BEST3: variants seen among roughly 807,000 people sequenced by gnomAD.
BEST3 encodes the protein bestrophin-3.
Under a neutral mutation model 47.1 loss-of-function variants are expected in BEST3, and 50 were observed. That is an observed-to-expected ratio of 1.06 (90% CI 0.85 to 1.34). The LOEUF (loss-of-function observed/expected upper bound fraction) is 1.34, where lower values mean the gene tolerates loss of function less well. Among genes scored for constraint, BEST3 ranks in the 40% most tolerant of loss-of-function variants. The probability of loss-of-function intolerance (pLI) is 0.00; values close to 1 mark genes in which losing one functional copy is unlikely to be tolerated. For synonymous variants in BEST3, 282 were observed against 298.8 expected, an observed-to-expected ratio of 0.94 and a Z score of 0.58; for missense variants, 765 against 817.0, an observed-to-expected ratio of 0.94 and a Z score of 0.78.
In BEST3 at chr12:69,693,789, G is replaced by T. The variant is rs781599717; in HGVS notation, c.366C>A (p.Arg122=). The T allele has an allele frequency of 6.2e-7, 1 of 1,614,060 alleles. No homozygotes were observed. The highest frequency in any genetic ancestry group is 1.3e-5 in the African/African-American group (1 of 74,928). Residue 122 remains arginine, a synonymous_variant, in exon 4 of 10, where the codon CGC becomes CGA. Coordinates refer to ENST00000330891, the MANE Select transcript of BEST3 (RefSeq NM_032735.3). Reference sequence around the variant, plus strand: ...AGCGCATCAGCGTCCTTCTAAGCAGGCGCCCGTGCTCGTCGCTTCCGTGAA... The same window carrying T: ...AGCGCATCAGCGTCCTTCTAAGCAGTCGCCCGTGCTCGTCGCTTCCGTGAA... ...SSVHGSDEHG[R]LLRRTLMRYV...
At chr12:69,670,189 C>G in intron 9 of BEST3, 1 of 384,472 alleles carries the variant, frequency 2.6e-6, no homozygotes, top group Non-Finnish European at 4.8e-6. Flanking sequence ...CAGAAGGTAT[C>G]ATGAAGGCTG....
At chr12:69,681,338 C>T (rs187190198) in intron 4 of BEST3, among the ~76,000 whole-genome samples, 18 of 152,186 alleles carry the variant, frequency 1.2e-4, no homozygotes, top group South Asian at 8.3e-4. Flanking sequence ...ATCCTTTTGC[C>T]GGGTGCAGTG....
intron 3 of BEST3, 162 bp from the exon 4 acceptor site, chr12:69,694,069 G>C: frequency 6.5e-6 from 4 of 617,894 alleles, no homozygotes; most frequent in Non-Finnish European, 1.1e-5. Context: ...TGTCATTTGT[G>C]CCTGGCAATG....
chr12:69,688,323 C>G (rs1885752676), intron 4 of BEST3, among the ~76,000 whole-genome samples: 2 of 152,186 alleles, frequency 1.3e-5, no homozygotes, highest in South Asian at 4.1e-4. Context: ...GCAAAAGTAA[C>G]AGAGACTGTT....
downstream of BEST3, among the ~76,000 whole-genome samples, chr12:69,652,180 G>A (rs933449387): frequency 2.0e-5 from 3 of 152,180 alleles, no homozygotes; most frequent in Non-Finnish European, 4.4e-5. Context: ...GGGAGAGAAC[G>A]CAACAAATAG....
chr12:69,674,593 T>C (rs949679985), intron 7 of BEST3, among the ~76,000 whole-genome samples: 2 of 152,142 alleles, frequency 1.3e-5, no homozygotes, highest in African/African-American at 4.8e-5. Flanking sequence ...AGGGTACTGG[T>C]TGAGTCCTGA....
intron 4 of BEST3, among the ~76,000 whole-genome samples, chr12:69,682,386 T>C (rs2547028): frequency 0.72 from 109,074 of 151,420 alleles, 39,301 homozygotes; most frequent in South Asian, 0.81. Context: ...AGATAACACT[T>C]GGGTTATTTA....
At chr12:69,671,253 C>T (rs1313289474) in intron 9 of BEST3, among the ~76,000 whole-genome samples, 175 bp downstream of exon 9, 2 of 152,180 alleles carry the variant, frequency 1.3e-5, no homozygotes, top group Non-Finnish European at 2.9e-5. Context: ...CAGCCTTGAA[C>T]CCCTGGGCTC....
intron 4 of BEST3, chr12:69,689,258 T>C: frequency 1.0e-6 from 1 of 985,690 alleles, no homozygotes. Flanking sequence ...ATGTGCAGAC[T>C]CTGAGTCAGC....
At position 69,672,890 on chromosome 12, in the gene BEST3, A is replaced by C. The variant is rs1884667333; in HGVS notation, c.943T>G (p.Leu315Val). 6.2e-7 allele frequency: 1 copy of C among 1,609,226 alleles called. No individual in the cohort carries two copies. Among genetic ancestry groups the C allele is most frequent in the Non-Finnish European group, 8.5e-7 (1 of 1,178,068 alleles). Reference sequence around the variant, plus strand: ...GAAAGAAAAATTCCTCTAACCTGCAAATTTCTGTCAATGCACCAGTTAGTT... The same window carrying C: ...GAAAGAAAAATTCCTCTAACCTGCACATTTCTGTCAATGCACCAGTTAGTT... ...FETNWCIDRN[L>V]QVSLLAVDEM... is the part of the protein sequence containing the mutation. The change falls in exon 8 of 10, where the codon TTG becomes GTG. Residue 315 changes from leucine to valine, a missense_variant. Transcript: ENST00000330891.
At chr12:69,675,316 T>G (rs1884845998) in intron 7 of BEST3, among the ~76,000 whole-genome samples, 2 of 151,732 alleles carry the variant, frequency 1.3e-5, no homozygotes, top group Admixed American at 1.3e-4. Context: ...GAGATGGGGT[T>G]TCGCCATATT....
At chr12:69,656,882 ACATT>A (rs1488266000) in intron 9 of BEST3, among the ~76,000 whole-genome samples, 1 of 152,110 alleles carries the variant, frequency 6.6e-6, no homozygotes, top group Non-Finnish European at 1.5e-5. Flanking sequence ...TAATTTGTAA[ACATT>A]CCTGATAAGG....
rs1391716126 is a variant in BEST3, at chr12:69,658,113, A to G, written c.1101-2300T>C. On this transcript the variant is annotated intron_variant, in intron 9 of 9. Coordinates refer to ENST00000330891, the MANE Select transcript of BEST3 (RefSeq NM_032735.3). ...CCACTCTGGATGTGTTCTGGGAATC[A>G]AGGACAAGCTGGCAATCTCTCTATA... Among the ~76,000 whole-genome samples, 3 of 152,170 alleles carry G rather than the reference A, an allele frequency of 2.0e-5. No homozygotes were observed. The East Asian group carries it at 5.8e-4, about 29-fold the overall frequency.
Position 69,671,482 on chromosome 12 carries a change from A to C in BEST3, c.1046T>G (p.Leu349Trp), listed in dbSNP as rs753386089. The C allele has an allele frequency of 2.5e-6, 4 of 1,614,098 alleles. No individual in the cohort carries two copies. Among genetic ancestry groups the C allele is most frequent in the Admixed American group, 1.7e-5 (1 of 60,022 alleles). The change falls in exon 9 of 10, where the codon TTG (leucine) becomes TGG (tryptophan). Residue 349 changes from leucine (L) to tryptophan (W), a missense_variant. Physicochemically the swap from Leu to Trp is moderately conservative, Grantham distance 61 (BLOSUM62 -2). Transcript: ENST00000330891. The stretch of plus-strand genomic sequence containing the variant: ...GGGTATGCAGTAGTCAGCAGCTGCC[A>C]ATGTGTATGGTGGGCGAGCAGCAGA... ...DDSAARPPYT[L>W]AAADYCIPSF...
rs1238206356 is a variant in BEST3 at position 69,654,989 on chromosome 12, A to G, written c.1925T>C (p.Met642Thr). 1.2e-6 allele frequency: 2 copies of G among 1,613,992 alleles called. No homozygotes were observed. Among genetic ancestry groups the G allele is most frequent in the Admixed American group, 1.7e-5 (1 of 59,996 alleles). Reference protein sequence around the residue: ...IVAGSRVSSDMLYLMENLDTK... With the variant: ...IVAGSRVSSDTLYLMENLDTK... ...GTCCAGGTTTTCCATTAAATACAGC[A>G]TATCAGAAGAGACTCGAGAGCCAGC... Residue 642 changes from methionine to threonine, a missense_variant, in exon 10 of 10, where the codon ATG (methionine) becomes ACG (threonine). Coordinates refer to ENST00000330891, the MANE Select transcript of BEST3 (RefSeq NM_032735.3).
downstream of BEST3, among the ~76,000 whole-genome samples, chr12:69,650,999 C>T (rs1883191302): frequency 6.6e-6 from 1 of 152,200 alleles, no homozygotes; most frequent in African/African-American, 2.4e-5. Context: ...TAAGCCCCAG[C>T]TTCTCCGGAG....
At chr12:69,666,549 A>G (rs1307096015) in intron 9 of BEST3, among the ~76,000 whole-genome samples, 9 of 152,120 alleles carry the variant, frequency 5.9e-5, no homozygotes, top group Non-Finnish European at 7.4e-5. Flanking sequence ...GTTACTCTGC[A>G]TCTATATTGA....
At chr12:69,678,153 C>T (rs962523886) in intron 5 of BEST3, among the ~76,000 whole-genome samples, 7 of 152,002 alleles carry the variant, frequency 4.6e-5, no homozygotes, top group African/African-American at 1.7e-4. Flanking sequence ...TCAATTTGGG[C>T]GCTATTTTTA....
chr12:69,673,491 G>A (rs1030246350), intron 7 of BEST3, among the ~76,000 whole-genome samples: 2 of 152,164 alleles, frequency 1.3e-5, no homozygotes, highest in South Asian at 2.1e-4. Context: ...AGGCTGGAGT[G>A]CAGTGGCATA....
Sources: allele counts gnomAD v4.1 joint callset (sites outside exome capture counted in the v4.1 genomes callset), GRCh38; gene constraint gnomAD v4.1.1; transcripts MANE v1.5; gene names NCBI Gene and HGNC (gene_info 2026-07-23, HGNC 2026-07-21).